Variants in COL22A1 observed in about 807,000 individuals in gnomAD.
COL22A1 encodes collagen type XXII alpha 1 chain.
A neutral mutation model predicts 248.9 loss-of-function variants in COL22A1; 221 were observed. That is an observed-to-expected ratio of 0.89 (90% CI 0.80 to 0.99). The LOEUF (loss-of-function observed/expected upper bound fraction) is 0.99, where lower values mean the gene tolerates loss of function less well. COL22A1 is among the 50% of genes least tolerant of loss of function. The pLI, the probability that COL22A1 is intolerant of heterozygous loss-of-function variation, is 0.00. For missense variants in COL22A1, 2,240 were observed against 2,179.0 expected, an observed-to-expected ratio of 1.03 and a Z score of -0.56; for synonymous variants, 891 against 793.4, an observed-to-expected ratio of 1.12 and a Z score of -2.07.
intron 12 of COL22A1, among the ~76,000 whole-genome samples, chr8:138,781,314 G>A (rs1279644764): frequency 1.3e-4 from 20 of 152,166 alleles, no homozygotes; most frequent in Admixed American, 1.2e-3. Flanking sequence ...GGTCTCATAT[G>A]TGTAAAGTAG....
intron 22 of COL22A1, among the ~76,000 whole-genome samples, chr8:138,739,120 T>C (rs1490913466): frequency 6.6e-6 from 1 of 152,196 alleles, no homozygotes; most frequent in Non-Finnish European, 1.5e-5. Flanking sequence ...ACATAAATCA[T>C]GTCACATCTC....
At chr8:138,783,916 A>G (rs1815272746) in intron 12 of COL22A1, among the ~76,000 whole-genome samples, 1 of 152,166 alleles carries the variant, frequency 6.6e-6, no homozygotes, top group Non-Finnish European at 1.5e-5. Context: ...TTTCAAGGGC[A>G]TGGAAGGACC....
In COL22A1 at chr8:138,878,125, A is replaced by T; in HGVS notation, c.283T>A (p.Phe95Ile). Residue 95 changes from phenylalanine (F) to isoleucine (I), a missense_variant, in exon 3 of 65, where the codon TTT (phenylalanine) becomes ATT (isoleucine). By Grantham distance (21) the Phe-to-Ile change is conservative. Transcript: ENST00000303045. The part of the protein sequence containing the change: ...RPTTAFELGL[F>I]GSQEEVKAAA... ...GCCTTGACCTCCTCCTGCGAGCCAA[A>T]GAGTCCCAACTCGAAGGCCGTGGTG... 1 of 1,605,848 alleles carries T rather than the reference A, an allele frequency of 6.2e-7. No individual in the cohort carries two copies. Among genetic ancestry groups the T allele is most frequent in the East Asian group, 2.2e-5 (1 of 44,534 alleles).
At chr8:138,628,866 A>T (rs1189529809) in intron 50 of COL22A1, among the ~76,000 whole-genome samples, 2 of 150,302 alleles carry the variant, frequency 1.3e-5, no homozygotes, top group Admixed American at 6.7e-5. Context: ...CCCTGGTTCA[A>T]GTGATTCTCC....
At position 138,678,263 on chromosome 8, in the gene COL22A1, G is replaced by A. The variant is rs74856988; in HGVS notation, c.3072+1354C>T. ...GGGGATATGAAGGAACAGACCTTGC[G>A]AAGTTCTCACAAAAGACACAAACCA... On this transcript the variant is annotated intron_variant, in intron 40 of 64. Coordinates refer to ENST00000303045, the MANE Select transcript of COL22A1 (RefSeq NM_152888.3). Among the ~76,000 whole-genome samples, 1,402 of 152,256 alleles carry A rather than the reference G, an allele frequency of 9.2e-3. 20 individuals are homozygous for A. The highest frequency in any genetic ancestry group is 0.032 in the African/African-American group (1,341 of 41,548).
intron 2 of COL22A1, among the ~76,000 whole-genome samples, chr8:138,879,922 C>G (rs1208951154): frequency 6.6e-6 from 1 of 152,044 alleles, no homozygotes; most frequent in African/African-American, 2.4e-5. Flanking sequence ...GCTGGGTGCA[C>G]GAGAGTTGGA....
At chr8:138,622,421 A>G (rs574870015) in intron 52 of COL22A1, among the ~76,000 whole-genome samples, 23 of 152,244 alleles carry the variant, frequency 1.5e-4, no homozygotes, top group Non-Finnish European at 2.5e-4. Context: ...TATTGTTATT[A>G]TTGTTGTTGT....
chr8:138,725,752 GACACACAC>G (rs66497386), intron 23 of COL22A1, among the ~76,000 whole-genome samples: 24,342 of 148,498 alleles, frequency 0.16, 2,198 homozygotes, highest in Middle Eastern at 0.24. Context: ...CACATGTGCA[GACACACAC>G]ACACACACAC....
At chr8:138,819,106 G>A (rs765018781) in intron 7 of COL22A1, among the ~76,000 whole-genome samples, 37 of 152,128 alleles carry the variant, frequency 2.4e-4, no homozygotes, top group South Asian at 6.2e-4. Flanking sequence ...GTATGCACAG[G>A]GTTTTTGATG....
At chr8:138,687,100 G>A (rs947561908) in intron 37 of COL22A1, among the ~76,000 whole-genome samples, 2 of 152,146 alleles carry the variant, frequency 1.3e-5, no homozygotes, top group Non-Finnish European at 2.9e-5. Context: ...GGGATTACAG[G>A]CATGTGCCAC....
chr8:138,652,903 C>G (rs1016102838), intron 45 of COL22A1, among the ~76,000 whole-genome samples: 1 of 151,684 alleles, frequency 6.6e-6, no homozygotes, highest in Non-Finnish European at 1.5e-5. Flanking sequence ...TATGCTACCA[C>G]GTCTGACTAA....
chr8:138,874,325 G>A (rs1823552167), intron 3 of COL22A1, among the ~76,000 whole-genome samples: 1 of 152,172 alleles, frequency 6.6e-6, no homozygotes, highest in South Asian at 2.1e-4. Context: ...GGGCGGACGT[G>A]TGTTCTGGGC....
chr8:138,796,698 G>A (rs1424135857), intron 12 of COL22A1, 121 bp downstream of exon 12: 1 of 768,996 alleles, frequency 1.3e-6, no homozygotes, highest in Non-Finnish European at 2.4e-6. Context: ...CACAGCCCAG[G>A]ACACCTCTTT....
intron 3 of COL22A1, among the ~76,000 whole-genome samples, chr8:138,848,662 G>A (rs1327900725): frequency 2.0e-5 from 3 of 151,918 alleles, no homozygotes; most frequent in African/African-American, 4.9e-5. Context: ...TGAGTACCCA[G>A]TGTGTGTGTC....
intron 45 of COL22A1, among the ~76,000 whole-genome samples, chr8:138,653,938 C>CCAGTGAGTCT (rs1178573421): frequency 6.6e-6 from 1 of 152,210 alleles, no homozygotes; most frequent in Non-Finnish European, 1.5e-5. Context: ...CTCTGTGGGA[C>CCAGTGAGTCT]CAGTGAGTCT....
rs115512846 is a variant in COL22A1 at position 138,779,954 on chromosome 8, G to C, written c.1651-392C>G. ...TTGTTTTGTTTTTTGTAGAGACAGA[G>C]TCTCGCTTTGTTGCCTATGCTGGCC... On this transcript the variant is annotated intron_variant, in intron 13 of 64. Transcript: ENST00000303045. Among the ~76,000 whole-genome samples the C allele has an allele frequency of 1.2e-3, 185 of 152,310 alleles. 1 individual carries two copies. The highest frequency in any genetic ancestry group is 4.3e-3 in the African/African-American group (178 of 41,572).
chr8:138,831,344 T>A (rs1820034140), intron 5 of COL22A1, among the ~76,000 whole-genome samples: 1 of 152,194 alleles, frequency 6.6e-6, no homozygotes. Context: ...CATTCCCTAC[T>A]CTGGGCAGGG....
chr8:138,777,531 C>T (rs750313795), intron 15 of COL22A1, among the ~76,000 whole-genome samples: 1 of 152,144 alleles, frequency 6.6e-6, no homozygotes, highest in Non-Finnish European at 1.5e-5. Flanking sequence ...CCACCACCCC[C>T]CAACAGGCCC....
chr8:138,719,551 T>G (rs2131123144), intron 27 of COL22A1, among the ~76,000 whole-genome samples: 1 of 152,260 alleles, frequency 6.6e-6, no homozygotes, highest in Non-Finnish European at 1.5e-5. Flanking sequence ...AATCTGTGTG[T>G]TTTTCTGCTT....
Sources: gnomAD v4.1 joint callset for allele counts (sites outside exome capture counted in the v4.1 genomes callset) on GRCh38, gnomAD v4.1.1 for gene constraint, MANE v1.5 for transcripts, NCBI Gene and HGNC (gene_info 2026-07-23, HGNC 2026-07-21) for gene names.